Variants in LRRC19 observed in about 807,000 individuals in gnomAD.
The protein encoded by LRRC19 is leucine-rich repeat-containing protein 19.
In LRRC19, 33 loss-of-function variants were observed where a neutral mutation model predicts 33.3. That is an observed-to-expected ratio of 0.99 (90% CI 0.75 to 1.33). LRRC19 has a LOEUF of 1.33. Ranked by LOEUF, LRRC19 falls within the 40% of genes most tolerant of loss-of-function variation. LRRC19 has a pLI of 0.00. For missense variants in LRRC19, 463 were observed against 417.3 expected, an observed-to-expected ratio of 1.11 and a Z score of -0.95; for synonymous variants, 184 against 152.3, an observed-to-expected ratio of 1.21 and a Z score of -1.53.
chr9:27,002,124 T>C (rs1262568296), intron 1 of LRRC19, among the ~76,000 whole-genome samples: 4 of 152,152 alleles, frequency 2.6e-5, no homozygotes, highest in Non-Finnish European at 5.9e-5. Context: ...TACACACTTT[T>C]AAACAACCAG....
At chr9:26,996,272 T>G in intron 4 of LRRC19, 39 bp downstream of exon 4, 1 of 1,144,416 alleles carries the variant, frequency 8.7e-7, no homozygotes, top group Middle Eastern at 2.7e-4. Flanking sequence ...TTTAGTATGA[T>G]ACATTCAGCA....
chr9:27,004,453 C>T (rs1020956260), intron 1 of LRRC19, among the ~76,000 whole-genome samples: 3 of 152,084 alleles, frequency 2.0e-5, no homozygotes, highest in Admixed American at 1.3e-4. Context: ...ATTTGTGTGC[C>T]TTTTCAGAGG....
intron 1 of LRRC19, among the ~76,000 whole-genome samples, chr9:27,003,352 A>C (rs142987246): frequency 0.012 from 1,845 of 152,184 alleles, 35 homozygotes; most frequent in African/African-American, 0.042. Context: ...GCGAAACCTC[A>C]TCTCTACTAC....
chr9:26,996,633 T>C, intron 3 of LRRC19, 134 bp from the exon 4 acceptor site: 1 of 511,332 alleles, frequency 2.0e-6, no homozygotes, highest in Non-Finnish European at 3.1e-6. Flanking sequence ...GTTGTATTTG[T>C]CTAGCAACAT....
At chr9:27,001,816 G>C (rs1469458236) in intron 1 of LRRC19, among the ~76,000 whole-genome samples, 1 of 151,632 alleles carries the variant, frequency 6.6e-6, no homozygotes, top group African/African-American at 2.4e-5. Context: ...AAGCTTTTTT[G>C]CTTGGCGAAA....
Position 26,997,886 on chromosome 9 carries a change from C to CACAGA in LRRC19, c.436_437insTCTGT (p.Ser146IlefsTer4), listed in dbSNP as rs746142477. On this transcript the variant is annotated frameshift_variant, in exon 3 of 5. Coordinates refer to ENST00000380055, the MANE Select transcript of LRRC19 (RefSeq NM_022901.3). LOFTEE classifies it high-confidence loss of function. ...GCCTTGCAGATTCAGAAGTTTTAGGCTTCTTAGAGGCACAAATACATCAGC... is the reference window on the plus strand; with the variant it reads ...GCCTTGCAGATTCAGAAGTTTTAGGCACAGATTCTTAGAGGCACAAATACATCAGC... The CACAGA allele has an allele frequency of 2.5e-6, 4 of 1,614,114 alleles. No homozygotes were observed. In the African/African-American group the frequency reaches 5.3e-5, roughly 22 times the overall value.
intron 3 of LRRC19, 43 bp downstream of exon 3, chr9:26,997,685 T>C: frequency 6.5e-7 from 1 of 1,536,908 alleles, no homozygotes; most frequent in Non-Finnish European, 8.7e-7. Flanking sequence ...GGTGGAACAT[T>C]GAGTTAATCA....
At chr9:27,003,670 C>T (rs998534311) in intron 1 of LRRC19, among the ~76,000 whole-genome samples, 2 of 152,108 alleles carry the variant, frequency 1.3e-5, no homozygotes, top group African/African-American at 2.4e-5. Flanking sequence ...TTTGTTGATC[C>T]ATTTATGCAC....
chr9:27,005,230 T>G (rs1018353083), intron 1 of LRRC19, among the ~76,000 whole-genome samples: 15 of 152,116 alleles, frequency 9.9e-5, no homozygotes, highest in African/African-American at 3.6e-4. Flanking sequence ...CATCAACTCA[T>G]GGCCAGTCTT....
chr9:27,005,106 T>C (rs936616640), intron 1 of LRRC19, among the ~76,000 whole-genome samples: 3 of 152,166 alleles, frequency 2.0e-5, no homozygotes, highest in African/African-American at 7.2e-5. Flanking sequence ...ATTAACTTTG[T>C]TTCCTTATTT....
intron 1 of LRRC19, among the ~76,000 whole-genome samples, chr9:27,004,340 G>A (rs10967655): frequency 0.095 from 14,469 of 152,174 alleles, 767 homozygotes; most frequent in South Asian, 0.24. Flanking sequence ...TCAGCTCAAG[G>A]TAGATTCTGT....
chr9:26,999,074 G>A (rs1410842250), intron 2 of LRRC19, among the ~76,000 whole-genome samples: 5 of 152,120 alleles, frequency 3.3e-5, no homozygotes, highest in Admixed American at 1.3e-4. Flanking sequence ...ACAGCTCAAA[G>A]TTTGGTGTTT....
intron 1 of LRRC19, among the ~76,000 whole-genome samples, chr9:27,001,089 A>G (rs1411675092): frequency 6.6e-6 from 1 of 152,072 alleles, no homozygotes; most frequent in Non-Finnish European, 1.5e-5. Flanking sequence ...ATTTCACTTG[A>G]CATAATGACC....
At chr9:26,999,770 CTT>C (rs1179000269) in intron 1 of LRRC19, 67 bp from the exon 2 acceptor site, 25,304 of 333,060 alleles carry the variant, frequency 0.076, no homozygotes, top group South Asian at 0.099. Flanking sequence ...TCTGTTTATT[CTT>C]TTTTTTTTTT....
chr9:27,003,554 G>T lies in LRRC19; in HGVS notation c.-10+2038C>A, dbSNP rs142628490. Among the ~76,000 whole-genome samples the T allele has an allele frequency of 9.8e-3, 1,491 of 152,126 alleles. 17 individuals carry two copies. Among genetic ancestry groups the T allele is most frequent in the African/African-American group, 0.03 (1,239 of 41,514 alleles). On this transcript the variant is annotated intron_variant, in intron 1 of 4. Transcript: ENST00000380055. Reference sequence around the variant, plus strand: ...AAAAAAGAAAAACTAATCAGAGTAGGCAAGAATCCATGCAGCATACTAAAG... The same window carrying T: ...AAAAAAGAAAAACTAATCAGAGTAGTCAAGAATCCATGCAGCATACTAAAG...
chr9:27,001,888 A>T (rs1301242975), intron 1 of LRRC19, among the ~76,000 whole-genome samples: 1 of 150,870 alleles, frequency 6.6e-6, no homozygotes, highest in African/African-American at 2.4e-5. Context: ...ACACAAAAAA[A>T]TCTTTGTCCA....
chr9:27,003,901 G>A (rs926825924), intron 1 of LRRC19, among the ~76,000 whole-genome samples: 3 of 152,206 alleles, frequency 2.0e-5, no homozygotes, highest in South Asian at 4.1e-4. Flanking sequence ...ATGATTTATA[G>A]GAATAGGTGT....
intron 2 of LRRC19, 101 bp downstream of exon 2, chr9:26,999,513 T>C: frequency 1.2e-6 from 1 of 822,322 alleles, no homozygotes; most frequent in Non-Finnish European, 1.9e-6. Context: ...TTTTAGTAGG[T>C]CAGATTTTCT....
chr9:26,999,639 G>C lies in LRRC19; in HGVS notation c.56C>G (p.Ser19Ter), dbSNP rs772679331. The C allele has an allele frequency of 6.2e-7, 1 of 1,607,800 alleles. No individual in the cohort carries two copies. The highest frequency in any genetic ancestry group is 8.5e-7 in the Non-Finnish European group (1 of 1,177,076). The stretch of plus-strand genomic sequence containing the variant: ...TCTTTTAGAAGACTGGATTTTGTCT[G>C]ATAATAATATCATGGAGAGGGGCCA... ...LFWPLSMILL[S>*]DKIQSSKREV... is the part of the protein sequence containing the mutation. Residue 19 changes from serine to a stop codon, truncating the protein, a stop_gained, in exon 2 of 5, where the codon TCA (serine) becomes TGA (stop). Transcript: ENST00000380055. LOFTEE classifies it high-confidence loss of function.
Sources: allele counts gnomAD v4.1 joint callset (sites outside exome capture counted in the v4.1 genomes callset), GRCh38; gene constraint gnomAD v4.1.1; transcripts MANE v1.5; gene names NCBI Gene and HGNC (gene_info 2026-07-23, HGNC 2026-07-21).